Variants in CATSPERT observed in about 807,000 individuals in gnomAD.
CATSPERT encodes cation channel sperm-associated targeting subunit tau.
At chr2:201,509,719 ATCT>A in the CATSPERT span, among the ~76,000 whole-genome samples, 7 of 151,104 alleles carry the variant, frequency 4.6e-5, 1 homozygote, top group South Asian at 1.4e-3. Context: ...AAATTTTACT[ATCT>A]TATTTTTCTT....
the CATSPERT span, chr2:201,618,877 C>T: frequency 2.9e-4 from 461 of 1,610,472 alleles, 2 homozygotes; most frequent in South Asian, 4.7e-3. Flanking sequence ...CTCCAGGTGC[C>T]GGCCAGGCCC....
the CATSPERT span, among the ~76,000 whole-genome samples, chr2:201,618,344 T>C: frequency 6.6e-6 from 1 of 151,806 alleles, no homozygotes; most frequent in African/African-American, 2.4e-5. Flanking sequence ...ATTAAGAAAA[T>C]GTGGCACATA....
chr2:201,596,357 T>C, the CATSPERT span, among the ~76,000 whole-genome samples: 4 of 152,146 alleles, frequency 2.6e-5, no homozygotes, highest in Admixed American at 1.3e-4. Context: ...TTCTCACTTA[T>C]AGGTGGGAGC....
chr2:201,599,537 T>G, the CATSPERT span, among the ~76,000 whole-genome samples: 14 of 152,324 alleles, frequency 9.2e-5, no homozygotes, highest in South Asian at 2.9e-3. Context: ...ACTGTCAGAG[T>G]TTAACAATAT....
the CATSPERT span, among the ~76,000 whole-genome samples, chr2:201,519,268 T>G: frequency 6.6e-6 from 1 of 152,066 alleles, no homozygotes; most frequent in East Asian, 1.9e-4. Context: ...CAAGCACAGA[T>G]TACAGCTGAA....
At chr2:201,558,193 C>A in the CATSPERT span, 1 of 152,228 alleles carries the variant, frequency 6.6e-6, no homozygotes, top group African/African-American at 2.4e-5. Flanking sequence ...AAACAACCTC[C>A]TCCTAATTAA....
At chr2:201,576,689 G>T in the CATSPERT span, among the ~76,000 whole-genome samples, 2 of 152,232 alleles carry the variant, frequency 1.3e-5, no homozygotes, top group Admixed American at 1.3e-4. Flanking sequence ...GAGTGAACGG[G>T]AGGTACTTAA....
At chr2:201,515,202 G>GCTTTTTTTTTTTTTTTTTTTTT in the CATSPERT span, among the ~76,000 whole-genome samples, 1 of 24,656 alleles carries the variant, frequency 4.1e-5, no homozygotes, top group African/African-American at 2.5e-4. Flanking sequence ...TCTGCCCATA[G>GCTTTTTTTTTTTTTTTTTTTTT]TTTTTTTTTT....
At chr2:201,530,384 ATATAG>A in the CATSPERT span, among the ~76,000 whole-genome samples, 7 of 152,240 alleles carry the variant, frequency 4.6e-5, no homozygotes, top group Admixed American at 3.9e-4. Flanking sequence ...GATAAAGAAA[ATATAG>A]TATATGTACA....
the CATSPERT span, among the ~76,000 whole-genome samples, chr2:201,584,824 A>G: frequency 6.6e-6 from 1 of 152,038 alleles, no homozygotes; most frequent in Non-Finnish European, 1.5e-5. Context: ...TTAGCTAATA[A>G]TTTTTCATAA....
the CATSPERT span, among the ~76,000 whole-genome samples, chr2:201,605,779 A>G: frequency 1.3e-5 from 2 of 152,234 alleles, no homozygotes; most frequent in African/African-American, 4.8e-5. Context: ...TCAAACAAGC[A>G]TTTGGAGATG....
chr2:201,536,427 A>G, the CATSPERT span: 7 of 1,295,730 alleles, frequency 5.4e-6, no homozygotes, highest in South Asian at 1.7e-5. Context: ...ATCCTTTAGC[A>G]TAACAAATTA....
the CATSPERT span, chr2:201,550,733 T>G: frequency 8.5e-5 from 13 of 152,216 alleles, no homozygotes; most frequent in African/African-American, 3.1e-4. Flanking sequence ...TTAATCTCCT[T>G]TATCCTATTT....
the CATSPERT span, chr2:201,535,099 C>T: frequency 3.1e-6 from 3 of 966,742 alleles, no homozygotes; most frequent in Non-Finnish European, 3.7e-6. Flanking sequence ...ATTACTTTCA[C>T]ATTCAGAAAA....
chr2:201,509,481 G>A, the CATSPERT span, among the ~76,000 whole-genome samples: 2 of 150,624 alleles, frequency 1.3e-5, no homozygotes, highest in Admixed American at 1.3e-4. Context: ...GTTTGATGTA[G>A]TCCCACTTGT....
At chr2:201,494,769 T>TA in the CATSPERT span, 19 of 1,482,130 alleles carry the variant, frequency 1.3e-5, no homozygotes, top group South Asian at 5.4e-5. Flanking sequence ...ACTGCAATAT[T>TA]AAAAAAAAGG....
chr2:201,582,305 T>C, the CATSPERT span: 1 of 1,234,192 alleles, frequency 8.1e-7, no homozygotes, highest in Non-Finnish European at 1.1e-6. Context: ...ATTACTATAT[T>C]ATGCAAATAT....
At chr2:201,600,249 T>C in the CATSPERT span, among the ~76,000 whole-genome samples, 1 of 152,220 alleles carries the variant, frequency 6.6e-6, no homozygotes, top group South Asian at 2.1e-4. Flanking sequence ...TGGAATACTA[T>C]GCAGCCATAA....
the CATSPERT span, among the ~76,000 whole-genome samples, chr2:201,564,420 C>T: frequency 3.7e-5 from 5 of 136,098 alleles, no homozygotes; most frequent in Non-Finnish European, 8.0e-5. Flanking sequence ...TAAGAACTGA[C>T]TGAAAACTAA....
Sources: gnomAD v4.1 joint callset for allele counts (sites outside exome capture counted in the v4.1 genomes callset) on GRCh38, gnomAD v4.1.1 for gene constraint, MANE v1.5 for transcripts, NCBI Gene and HGNC (gene_info 2026-07-23, HGNC 2026-07-21) for gene names.